FAF1: variants seen among roughly 807,000 people sequenced by gnomAD.
FAF1 encodes FAS-associated factor 1.
FAF1 carries 25 observed loss-of-function variants against 92.5 expected under a neutral mutation model. That is an observed-to-expected ratio of 0.27 (90% CI 0.20 to 0.38). The LOEUF (loss-of-function observed/expected upper bound fraction) is 0.38, where lower values mean the gene tolerates loss of function less well. FAF1 is among the 10% of genes least tolerant of loss of function. The pLI, the probability that FAF1 is intolerant of heterozygous loss-of-function variation, is 1.00. For synonymous variants in FAF1, 234 were observed against 273.2 expected (o/e 0.86, Z 1.42); for missense variants, 636 against 793.3 (o/e 0.80, Z 2.38).
chr1:50,594,381 TG>T (rs1219072839), intron 9 of FAF1, among the ~76,000 whole-genome samples: 1 of 152,088 alleles, frequency 6.6e-6, no homozygotes. Context: ...TGACCTCCAT[TG>T]TATACACTTT....
chr1:50,563,449 C>T (rs1650026313), intron 13 of FAF1, among the ~76,000 whole-genome samples: 1 of 151,726 alleles, frequency 6.6e-6, no homozygotes, highest in Non-Finnish European at 1.5e-5. Flanking sequence ...AGAAATTATA[C>T]CTTTAGCACT....
chr1:50,743,783 G>A (rs188588964), intron 5 of FAF1, among the ~76,000 whole-genome samples: 1 of 151,948 alleles, frequency 6.6e-6, no homozygotes, highest in East Asian at 1.9e-4. Flanking sequence ...AGAAAAAAAA[G>A]TGTGTAAGCC....
intron 15 of FAF1, among the ~76,000 whole-genome samples, chr1:50,534,781 G>C (rs1020685458): frequency 3.9e-5 from 6 of 152,118 alleles, no homozygotes; most frequent in Admixed American, 2.0e-4. Context: ...GGTAAGTATT[G>C]AACACTATTG....
At chr1:50,580,038 C>T (rs1237368533) in intron 12 of FAF1, among the ~76,000 whole-genome samples, 1 of 151,976 alleles carries the variant, frequency 6.6e-6, no homozygotes, top group Non-Finnish European at 1.5e-5. Context: ...TAAAGTATGA[C>T]ATCTATAATT....
chr1:50,663,834 T>C (rs1180342965), intron 7 of FAF1, among the ~76,000 whole-genome samples: 1 of 151,304 alleles, frequency 6.6e-6, no homozygotes, highest in Non-Finnish European at 1.5e-5. Context: ...TAAATATAAT[T>C]AATAATCATT....
At chr1:50,736,693 G>T (rs1659153572) in intron 6 of FAF1, among the ~76,000 whole-genome samples, 1 of 152,080 alleles carries the variant, frequency 6.6e-6, no homozygotes, top group Non-Finnish European at 1.5e-5. Flanking sequence ...GGAGGTTGCA[G>T]TGAGCTGAGA....
intron 2 of FAF1, among the ~76,000 whole-genome samples, chr1:50,834,698 C>T (rs1411958787): frequency 6.6e-6 from 1 of 152,140 alleles, no homozygotes; most frequent in African/African-American, 2.4e-5. Flanking sequence ...GTTAGCCTCC[C>T]TAAGGAAAAG....
intron 6 of FAF1, among the ~76,000 whole-genome samples, chr1:50,729,976 G>A (rs1284419225): frequency 6.6e-6 from 1 of 152,022 alleles, no homozygotes; most frequent in African/African-American, 2.4e-5. Context: ...AGCCCAGATT[G>A]AGCCATTGCA....
At chr1:50,561,788 G>A (rs767339678) in intron 13 of FAF1, among the ~76,000 whole-genome samples, 1 of 152,038 alleles carries the variant, frequency 6.6e-6, no homozygotes, top group Non-Finnish European at 1.5e-5. Context: ...TTGCGCCACC[G>A]CACTCCAGCC....
intron 1 of FAF1, among the ~76,000 whole-genome samples, chr1:50,887,325 T>C (rs1443372539): frequency 6.6e-6 from 1 of 152,216 alleles, no homozygotes; most frequent in Non-Finnish European, 1.5e-5. Flanking sequence ...ATTCGGTAGG[T>C]TGCCTGTTCA....
chr1:50,813,034 A>G (rs1341231458), intron 2 of FAF1, among the ~76,000 whole-genome samples: 2 of 152,170 alleles, frequency 1.3e-5, no homozygotes, highest in African/African-American at 2.4e-5. Flanking sequence ...CATAGATACA[A>G]AGAAGGGAGC....
At chr1:50,948,591 G>C (rs993941020) in intron 1 of FAF1, among the ~76,000 whole-genome samples, 3 of 146,928 alleles carry the variant, frequency 2.0e-5, no homozygotes, top group Non-Finnish European at 4.5e-5. Flanking sequence ...GGAGTGCAGT[G>C]ACGCGATTTC....
chr1:50,469,810 C>T (rs1168376500), intron 18 of FAF1, among the ~76,000 whole-genome samples: 2 of 152,046 alleles, frequency 1.3e-5, no homozygotes, highest in African/African-American at 4.8e-5. Context: ...ATTAATGTTG[C>T]GACCATCTAG....
In FAF1 at chr1:50,437,218, GTTTC is replaced by G. The variant is rs1468369272; in HGVS notation, c.*4218_*4221del. On this transcript the variant is annotated 3_prime_UTR_variant, in exon 19 of 19. Coordinates refer to ENST00000396153, the MANE Select transcript of FAF1 (RefSeq NM_007051.3). ...AGTGATTGTATTTCATCCTCTGGAG[GTTTC>G]TTTTAGATAAAAATACGGATTGATA... 6.6e-6 allele frequency: 1 copy of G among 152,080 alleles called. No homozygotes were observed. The highest frequency in any genetic ancestry group is 1.5e-5 in the Non-Finnish European group (1 of 68,016). 9.4% of individuals were successfully genotyped at this position (152,080 alleles called of 1,614,324 possible).
intron 8 of FAF1, among the ~76,000 whole-genome samples, chr1:50,633,649 G>A (rs1472830193): frequency 6.6e-6 from 1 of 152,196 alleles, no homozygotes; most frequent in East Asian, 1.9e-4. Context: ...GTGGGTCTAT[G>A]AATTTCAGAA....
At chr1:50,644,589 G>T (rs1342054775) in intron 8 of FAF1, among the ~76,000 whole-genome samples, 1 of 152,184 alleles carries the variant, frequency 6.6e-6, no homozygotes, top group Non-Finnish European at 1.5e-5. Flanking sequence ...CTTCAACTCA[G>T]CGAAATTACC....
intron 8 of FAF1, among the ~76,000 whole-genome samples, chr1:50,634,466 T>C (rs765732200): frequency 4.6e-5 from 7 of 152,194 alleles, no homozygotes; most frequent in South Asian, 2.1e-4. Flanking sequence ...TCAAATGCAA[T>C]AGACAGCATG....
intron 1 of FAF1, among the ~76,000 whole-genome samples, chr1:50,945,527 T>C (rs1266230012): frequency 6.6e-6 from 1 of 152,210 alleles, no homozygotes; most frequent in Non-Finnish European, 1.5e-5. Context: ...CAGTTTATGA[T>C]AGTTGATATT....
At chr1:50,863,241 TA>T (rs1421368883) in intron 1 of FAF1, among the ~76,000 whole-genome samples, 2 of 151,886 alleles carry the variant, frequency 1.3e-5, no homozygotes, top group Non-Finnish European at 2.9e-5. Flanking sequence ...ACATGGAAAT[TA>T]AATAATCCGC....
Sources: allele counts gnomAD v4.1 joint callset (sites outside exome capture counted in the v4.1 genomes callset), GRCh38; gene constraint gnomAD v4.1.1; transcripts MANE v1.5; gene names NCBI Gene and HGNC (gene_info 2026-07-23, HGNC 2026-07-21).